ZNF475: variants seen among roughly 807,000 people sequenced by gnomAD.
The protein encoded by ZNF475 is zinc finger protein 475.
the ZNF475 span, among the ~76,000 whole-genome samples, chr5:122,161,233 T>A: frequency 6.6e-6 from 1 of 152,228 alleles, no homozygotes; most frequent in Non-Finnish European, 1.5e-5. Flanking sequence ...AAAGGGCTAG[T>A]AAATCCAGGA....
the ZNF475 span, among the ~76,000 whole-genome samples, chr5:122,175,090 A>G: frequency 6.6e-6 from 1 of 152,200 alleles, no homozygotes; most frequent in Non-Finnish European, 1.5e-5. Flanking sequence ...GCATAAGTTA[A>G]TATAAAATAA....
At chr5:122,180,766 T>A in the ZNF475 span, among the ~76,000 whole-genome samples, 1 of 152,146 alleles carries the variant, frequency 6.6e-6, no homozygotes, top group Non-Finnish European at 1.5e-5. Flanking sequence ...GAGAGTTTTA[T>A]AACAACCCAC....
the ZNF475 span, among the ~76,000 whole-genome samples, chr5:122,170,883 G>A: frequency 6.6e-6 from 1 of 152,024 alleles, no homozygotes; most frequent in Non-Finnish European, 1.5e-5. Flanking sequence ...GATTCCAAAA[G>A]TCTTAGAAGC....
the ZNF475 span, among the ~76,000 whole-genome samples, chr5:122,177,468 G>T: frequency 9.9e-5 from 15 of 152,240 alleles, no homozygotes; most frequent in African/African-American, 3.6e-4. Context: ...GGATAAAATA[G>T]TCAGAAGGCA....
the ZNF475 span, chr5:122,182,444 ATT>A: frequency 7.4e-7 from 1 of 1,357,966 alleles, no homozygotes; most frequent in Non-Finnish European, 9.7e-7. Context: ...TGTTTTTGGT[ATT>A]TTTTTTTCTT....
the ZNF475 span, among the ~76,000 whole-genome samples, chr5:122,181,708 A>G: frequency 6.6e-6 from 1 of 152,204 alleles, no homozygotes; most frequent in Non-Finnish European, 1.5e-5. Context: ...GCCTATTTTC[A>G]GTGGTTCTAA....
At chr5:122,178,406 G>C in the ZNF475 span, among the ~76,000 whole-genome samples, 1 of 152,190 alleles carries the variant, frequency 6.6e-6, no homozygotes, top group Non-Finnish European at 1.5e-5. Context: ...TCCAGCATCT[G>C]TTGTTTCCTG....
the ZNF475 span, among the ~76,000 whole-genome samples, chr5:122,165,441 T>C: frequency 6.6e-5 from 10 of 152,318 alleles, no homozygotes; most frequent in Admixed American, 5.2e-4. Flanking sequence ...GTAAGGATTG[T>C]CATGTCTATC....
chr5:122,177,214 G>C, the ZNF475 span, among the ~76,000 whole-genome samples: 7 of 152,298 alleles, frequency 4.6e-5, no homozygotes, highest in African/African-American at 1.7e-4. Flanking sequence ...TTGATGAGCT[G>C]TTCTGCTGTG....
At chr5:122,165,458 G>A in the ZNF475 span, among the ~76,000 whole-genome samples, 1 of 152,090 alleles carries the variant, frequency 6.6e-6, no homozygotes, top group African/African-American at 2.4e-5. Flanking sequence ...TATCTCCCCC[G>A]TGGTCACCAT....
At chr5:122,166,506 C>T in the ZNF475 span, among the ~76,000 whole-genome samples, 4 of 152,120 alleles carry the variant, frequency 2.6e-5, no homozygotes, top group African/African-American at 7.2e-5. Context: ...CCCAATCCCA[C>T]GACAGGCCCC....
the ZNF475 span, among the ~76,000 whole-genome samples, chr5:122,161,116 C>T: frequency 0.022 from 3,375 of 152,306 alleles, 55 homozygotes; most frequent in South Asian, 0.038. Flanking sequence ...CTTCTTCTCT[C>T]CCTTTATGTT....
At chr5:122,170,414 T>C in the ZNF475 span, among the ~76,000 whole-genome samples, 31 of 152,314 alleles carry the variant, frequency 2.0e-4, no homozygotes, top group South Asian at 6.4e-3. Flanking sequence ...CGCTTAATAA[T>C]TTGCTATAAC....
At chr5:122,180,620 A>G in the ZNF475 span, among the ~76,000 whole-genome samples, 3 of 152,226 alleles carry the variant, frequency 2.0e-5, no homozygotes, top group Non-Finnish European at 4.4e-5. Flanking sequence ...TCACAGGACA[A>G]TGTTGGTTTT....
the ZNF475 span, among the ~76,000 whole-genome samples, chr5:122,174,594 A>G: frequency 1.3e-5 from 2 of 152,166 alleles, no homozygotes; most frequent in African/African-American, 4.8e-5. Flanking sequence ...TCACCTTTTT[A>G]TGGTATTAAT....
chr5:122,180,320 A>G, the ZNF475 span, among the ~76,000 whole-genome samples: 1 of 152,220 alleles, frequency 6.6e-6, no homozygotes, highest in African/African-American at 2.4e-5. Flanking sequence ...TGGCGTTATC[A>G]TTAAGAAATT....
the ZNF475 span, among the ~76,000 whole-genome samples, chr5:122,178,425 A>G: frequency 6.6e-6 from 1 of 152,218 alleles, no homozygotes. Flanking sequence ...TGACTTTTTA[A>G]TGATCACCAT....
the ZNF475 span, chr5:122,163,108 A>C: frequency 1.3e-5 from 2 of 152,228 alleles, no homozygotes; most frequent in East Asian, 3.9e-4. Flanking sequence ...GGATGACTGC[A>C]AAGGACCTGG....
the ZNF475 span, among the ~76,000 whole-genome samples, chr5:122,171,389 G>A: frequency 1.3e-5 from 2 of 152,244 alleles, no homozygotes; most frequent in Admixed American, 6.5e-5. Context: ...AGGCATCTGT[G>A]TACACAGACA....
Sources: gnomAD v4.1 joint callset for allele counts (sites outside exome capture counted in the v4.1 genomes callset) on GRCh38, gnomAD v4.1.1 for gene constraint, MANE v1.5 for transcripts, NCBI Gene and HGNC (gene_info 2026-07-23, HGNC 2026-07-21) for gene names.